Variants in FOLR1 observed in about 807,000 individuals in gnomAD.
FOLR1 encodes KB cells FBP.
In FOLR1, 11 loss-of-function variants were observed where a neutral mutation model predicts 22.8. The ratio of observed to expected loss-of-function variants is 0.48; its 90% CI spans 0.30 to 0.80. FOLR1 has a LOEUF of 0.80. Ranked by LOEUF, FOLR1 falls within the 30% of genes least tolerant of loss-of-function variation. The pLI, the probability that FOLR1 is intolerant of heterozygous loss-of-function variation, is 0.06. For missense variants in FOLR1, 273 were observed against 320.3 expected, an observed-to-expected ratio of 0.85 and a Z score of 1.13; for synonymous variants, 108 against 116.5, an observed-to-expected ratio of 0.93 and a Z score of 0.47.
upstream of FOLR1, among the ~76,000 whole-genome samples, chr11:72,191,908 C>T (rs1412560930): frequency 1.3e-5 from 2 of 152,204 alleles, no homozygotes; most frequent in Non-Finnish European, 2.9e-5. Context: ...CTGGCTATTT[C>T]TGCATTTTGC....
intron 1 of FOLR1, among the ~76,000 whole-genome samples, chr11:72,194,083 G>A (rs887575322): frequency 9.9e-5 from 15 of 151,916 alleles, no homozygotes; most frequent in Non-Finnish European, 4.4e-5. Context: ...CCACTGTGCC[G>A]GCCCACATTT....
chr11:72,194,106 T>G (rs1948194999), intron 1 of FOLR1, among the ~76,000 whole-genome samples: 1 of 152,048 alleles, frequency 6.6e-6, no homozygotes, highest in Non-Finnish European at 1.5e-5. Flanking sequence ...ATATTTAGCT[T>G]GTCAGCCTTA....
At chr11:72,192,475 A>G (rs980670727) in intron 1 of FOLR1, 134 bp downstream of exon 1, 2 of 857,998 alleles carry the variant, frequency 2.3e-6, no homozygotes, top group Non-Finnish European at 3.7e-6. Context: ...ATGGGTGACT[A>G]TTTCACAGAC....
chr11:72,196,073 G>A lies in FOLR1; in HGVS notation c.670G>A (p.Glu224Lys), dbSNP rs779884094. 5 of 1,614,084 alleles carry A rather than the reference G, an allele frequency of 3.1e-6. No homozygotes were observed. The South Asian group carries it at 4.4e-5, about 14-fold the overall frequency. ...FDPAQGNPNE[E>K]VARFYAAAMS... Reference sequence around the variant, plus strand: ...CCCAGCCCAGGGCAACCCCAATGAGGAGGTGGCGAGGTTCTATGCTGCAGC... The same window carrying A: ...CCCAGCCCAGGGCAACCCCAATGAGAAGGTGGCGAGGTTCTATGCTGCAGC... The change falls in exon 4 of 4, where the codon GAG becomes AAG. Residue 224 changes from glutamate (E) to lysine (K), a missense_variant. Glu to Lys is a moderately conservative substitution (Grantham distance 56). Coordinates refer to ENST00000393676, the MANE Select transcript of FOLR1 (RefSeq NM_016729.3).
In FOLR1 at chr11:72,195,679, GGT is replaced by G. The variant is rs1565365579; in HGVS notation, c.427_428del (p.Trp143GlyfsTer24). 6.2e-7 allele frequency: 1 copy of G among 1,614,228 alleles called. No homozygotes were observed. The highest frequency in any genetic ancestry group is 1.1e-5 in the South Asian group (1 of 91,080). ...CTGTGCAAAGAGGACTGTGAGCAAT[GGT>G]GGGAAGATTGTCGCACCTCCTACAC... On this transcript the variant is annotated frameshift_variant, in exon 3 of 4. Transcript: ENST00000393676. LOFTEE classifies it high-confidence loss of function.
At position 72,195,633 on chromosome 11, in the gene FOLR1, G is replaced by A. The variant is rs138331534; in HGVS notation, c.379G>A (p.Glu127Lys). The change falls in exon 3 of 4, where the codon GAG becomes AAG. Residue 127 changes from glutamate (E) to lysine (K), a missense_variant. By Grantham distance (56) the Glu-to-Lys change is moderately conservative (BLOSUM62 1). Transcript: ENST00000393676. ...CCAGGTGGATCAGAGCTGGCGCAAA[G>A]AGCGGGTACTGAACGTGCCCCTGTG... ...IQQVDQSWRK[E>K]RVLNVPLCKE... 1 of 1,614,110 alleles carries A rather than the reference G, an allele frequency of 6.2e-7. No individual in the cohort carries two copies. The highest frequency in any genetic ancestry group is 1.3e-5 in the African/African-American group (1 of 74,938).
upstream of FOLR1, chr11:72,190,467 G>A (rs1398856201): frequency 1.3e-5 from 2 of 152,218 alleles, no homozygotes; most frequent in African/African-American, 2.4e-5. Flanking sequence ...CCTCAAGATA[G>A]TTTGCTTCTC....
chr11:72,190,330 G>C (rs1461983150), upstream of FOLR1: 1 of 152,334 alleles, frequency 6.6e-6, no homozygotes, highest in African/African-American at 2.4e-5. Context: ...CTGAACTTGG[G>C]TGGTCCCTAC....
At chr11:72,192,019 T>A, upstream of FOLR1, 1 of 778,694 alleles carries the variant, frequency 1.3e-6, no homozygotes, top group Non-Finnish European at 2.1e-6. Context: ...CTACCTTTCA[T>A]TGGATCTGGG....
chr11:72,195,167 G>T (rs1948209713), intron 1 of FOLR1, 104 bp from the exon 2 acceptor site: 1 of 1,156,120 alleles, frequency 8.6e-7, no homozygotes, highest in Non-Finnish European at 1.3e-6. Context: ...ACTTCCAGTG[G>T]GCTGGGGAAT....
rs985046746 is a variant in FOLR1 at position 72,196,017 on chromosome 11, G to A, written c.614G>A (p.Gly205Glu). ...HSYKVSNYSR[G>E]SGRCIQMWFD... is the part of the protein sequence containing the mutation. ...TACAAGGTCAGCAACTACAGCCGAG[G>A]GAGTGGCCGCTGCATCCAGATGTGG... is the stretch of plus-strand genomic sequence containing the variant. The change falls in exon 4 of 4, where the codon GGG (glycine) becomes GAG (glutamate). Residue 205 changes from glycine (G) to glutamate (E), a missense_variant. Gly to Glu is a moderately conservative substitution (Grantham distance 98). Coordinates refer to ENST00000393676, the MANE Select transcript of FOLR1 (RefSeq NM_016729.3). 8 of 1,614,104 alleles carry A rather than the reference G, an allele frequency of 5.0e-6. No individual in the cohort carries two copies. The highest frequency in any genetic ancestry group is 1.6e-4 in the Middle Eastern group (1 of 6,084).
intron 1 of FOLR1, among the ~76,000 whole-genome samples, chr11:72,192,662 A>C (rs1948172131): frequency 6.6e-6 from 1 of 152,194 alleles, no homozygotes; most frequent in Admixed American, 6.5e-5. Context: ...CAAAGATCTG[A>C]GGGAAGAAAC....
In FOLR1 at chr11:72,195,759, G is replaced by A. The variant is rs190090266; in HGVS notation, c.493+12G>A. 17 of 1,614,220 alleles carry A rather than the reference G, an allele frequency of 1.1e-5. No individual in the cohort carries two copies. Among genetic ancestry groups the A allele is most frequent in the Admixed American group, 6.7e-5 (4 of 60,022 alleles). On this transcript the variant is annotated intron_variant, in intron 3 of 3. Transcript: ENST00000393676. Reference sequence around the variant, plus strand: ...GAACTGGACTTCAGGTGAGGGCTGGGGTGGGCAGGAATGGAGGGATTTGGA... The same window carrying A: ...GAACTGGACTTCAGGTGAGGGCTGGAGTGGGCAGGAATGGAGGGATTTGGA...
intron 1 of FOLR1, among the ~76,000 whole-genome samples, chr11:72,193,411 G>A (rs1948183067): frequency 6.6e-6 from 1 of 151,660 alleles, no homozygotes; most frequent in Non-Finnish European, 1.5e-5. Flanking sequence ...GGGAGGAAAG[G>A]GAGGGAGGCA....
intron 1 of FOLR1, among the ~76,000 whole-genome samples, chr11:72,193,496 G>T (rs1027474804): frequency 1.3e-4 from 19 of 151,874 alleles, no homozygotes; most frequent in Admixed American, 1.2e-3. Flanking sequence ...GCCCAGGGTG[G>T]AGTGCAGTGG....
intron 1 of FOLR1, among the ~76,000 whole-genome samples, chr11:72,193,511 A>G (rs952780750): frequency 1.3e-5 from 2 of 151,834 alleles, no homozygotes; most frequent in African/African-American, 4.8e-5. Context: ...CAGTGGCACA[A>G]TCTCAGCTCA....
chr11:72,195,673 A>T lies in FOLR1; in HGVS notation c.419A>T (p.Glu140Val), dbSNP rs2135388722. Reference sequence around the variant, plus strand: ...GTGCCCCTGTGCAAAGAGGACTGTGAGCAATGGTGGGAAGATTGTCGCACC... The same window carrying T: ...GTGCCCCTGTGCAAAGAGGACTGTGTGCAATGGTGGGAAGATTGTCGCACC... ...LNVPLCKEDC[E>V]QWWEDCRTSY... is the part of the protein sequence containing the mutation. The change falls in exon 3 of 4, where the codon GAG becomes GTG. Residue 140 changes from glutamate to valine, a missense_variant. Glu to Val is a moderately radical substitution (Grantham distance 121, BLOSUM62 -2). Transcript: ENST00000393676. 1 of 1,614,172 alleles carries T rather than the reference A, an allele frequency of 6.2e-7. No homozygotes were observed. Among genetic ancestry groups the T allele is most frequent in the Non-Finnish European group, 8.5e-7 (1 of 1,180,032 alleles).
At chr11:72,192,408 T>C in intron 1 of FOLR1, 67 bp downstream of exon 1, 1 of 1,565,864 alleles carries the variant, frequency 6.4e-7, no homozygotes, top group Non-Finnish European at 8.8e-7. Flanking sequence ...GACATGGAAA[T>C]GCCAAACCCC....
chr11:72,190,600 G>A (rs1047632915), upstream of FOLR1: 2 of 152,200 alleles, frequency 1.3e-5, no homozygotes. Flanking sequence ...GGATCACCTG[G>A]TATTCCCTGA....
Sources: allele counts gnomAD v4.1 joint callset (sites outside exome capture counted in the v4.1 genomes callset), GRCh38; gene constraint gnomAD v4.1.1; transcripts MANE v1.5; gene names NCBI Gene and HGNC (gene_info 2026-07-23, HGNC 2026-07-21).